SLC35D1: variants seen among roughly 807,000 people sequenced by gnomAD.
The protein encoded by SLC35D1 is nucleotide sugar transporter SLC35D1.
A neutral mutation model predicts 46.7 loss-of-function variants in SLC35D1; 31 were observed. That is an observed-to-expected ratio of 0.66 (90% confidence interval 0.50 to 0.90). The LOEUF (loss-of-function observed/expected upper bound fraction) is 0.90. SLC35D1 is among the 40% of genes least tolerant of loss of function. The pLI, the probability that SLC35D1 is intolerant of heterozygous loss-of-function variation, is 0.00. For synonymous variants in SLC35D1, 195 were observed against 164.6 expected (o/e 1.18, Z -1.41); for missense variants, 397 against 426.2 (o/e 0.93, Z 0.60).
At chr1:66,991,327 G>A in the SLC35D1 span, among the ~76,000 whole-genome samples, 3 of 152,176 alleles carry the variant, frequency 2.0e-5, no homozygotes, top group African/African-American at 4.8e-5. Context: ...GGAGGCTGGG[G>A]AGAAGAGAAG....
intron 4 of SLC35D1, 126 bp downstream of exon 4, chr1:67,051,880 GTAGTAA>G: frequency 3.1e-6 from 2 of 643,282 alleles, no homozygotes; most frequent in Non-Finnish European, 5.5e-6. Context: ...TCATTATTTA[GTAGTAA>G]TAGAAGCTTT....
At chr1:67,022,913 T>C (rs1006881288) in intron 8 of SLC35D1, among the ~76,000 whole-genome samples, 2 of 152,236 alleles carry the variant, frequency 1.3e-5, no homozygotes, top group Non-Finnish European at 2.9e-5. Context: ...AACAATTTCC[T>C]ACAAGTGGAA....
chr1:67,006,295 C>G (rs1667445720), intron 11 of SLC35D1, among the ~76,000 whole-genome samples: 1 of 152,200 alleles, frequency 6.6e-6, no homozygotes, highest in Admixed American at 6.5e-5. Context: ...GACTACTTCC[C>G]TGGTAGCTGG....
At chr1:67,014,670 G>GTTTTTTTTTTTT (rs34459732) in intron 10 of SLC35D1, among the ~76,000 whole-genome samples, 25 of 99,942 alleles carry the variant, frequency 2.5e-4, no homozygotes, top group Middle Eastern at 0.011. Context: ...TCAATTTTTA[G>GTTTTTTTTTTTT]TTTTTTTTTT....
chr1:67,000,082 AAC>A lies in SLC35D1; in HGVS notation c.*4256_*4257del, dbSNP rs1369276791. The A allele has an allele frequency of 6.6e-6, 1 of 151,154 alleles. No individual in the cohort carries two copies. Among genetic ancestry groups the A allele is most frequent in the Admixed American group, 6.6e-5 (1 of 15,194 alleles). The allele number at this position is 151,154 out of a possible 1,614,324, so 9.4% of individuals were successfully genotyped here. Reference sequence around the variant, plus strand: ...GCCAGGAGTTTGAGACCAGTCTGGCAACAGAGTGAGACCCTGTCTTTACCAGA... The same window carrying A: ...GCCAGGAGTTTGAGACCAGTCTGGCAAGAGTGAGACCCTGTCTTTACCAGA... On this transcript the variant is annotated 3_prime_UTR_variant, in exon 12 of 12. Transcript: ENST00000235345.
chr1:66,984,560 C>G, the SLC35D1 span: 1 of 1,538,184 alleles, frequency 6.5e-7, no homozygotes, highest in Non-Finnish European at 8.8e-7. Flanking sequence ...ATTTATATTT[C>G]TTTCAACTTA....
chr1:67,031,234 AAGTC>A, intron 8 of SLC35D1, among the ~76,000 whole-genome samples: 1 of 152,246 alleles, frequency 6.6e-6, no homozygotes, highest in Non-Finnish European at 1.5e-5. Flanking sequence ...TCTCTGGAGA[AAGTC>A]AGTCTATGGC....
intron 8 of SLC35D1, chr1:67,032,077 G>A (rs1031160470): frequency 5.1e-6 from 5 of 985,262 alleles, no homozygotes; most frequent in Non-Finnish European, 1.2e-6. Context: ...CACAAGGCCT[G>A]GAATCTTCGG....
Position 67,047,259 on chromosome 1 carries a change from A to G in SLC35D1, c.636+6T>C, listed in dbSNP as rs983472001. On this transcript the variant is annotated splice_donor_region_variant and intron_variant, in intron 7 of 11. Transcript: ENST00000235345. ...ACAACTGTTAAAGCTTTAGATTGCT[A>G]CTTACTTTTGAATCTAATTTTTGTT... 1 of 1,606,076 alleles carries G rather than the reference A, an allele frequency of 6.2e-7. No individual in the cohort carries two copies. The highest frequency in any genetic ancestry group is 8.5e-7 in the Non-Finnish European group (1 of 1,173,968).
chr1:67,050,039 C>G lies in SLC35D1; in HGVS notation c.465-189G>C, dbSNP rs148483704. ...ATTTATTGTTATATAAGTTATTACA[C>G]CCACTTTTAAAATTTTCACCTATTG... On this transcript the variant is annotated intron_variant, in intron 5 of 11. Transcript: ENST00000235345. Among the ~76,000 whole-genome samples the G allele has an allele frequency of 9.2e-5, 14 of 152,270 alleles. 2 individuals carry two copies. The East Asian group carries it at 2.7e-3, about 29-fold the overall frequency.
intron 10 of SLC35D1, among the ~76,000 whole-genome samples, chr1:67,015,915 C>T (rs992421142): frequency 3.3e-5 from 5 of 151,908 alleles, no homozygotes; most frequent in Non-Finnish European, 4.4e-5. Context: ...CTTTTAGTGG[C>T]CTGCAATCCT....
intron 11 of SLC35D1, chr1:67,008,331 G>T: frequency 2.3e-6 from 2 of 861,402 alleles, no homozygotes; most frequent in South Asian, 2.9e-5. Context: ...TAGAGACGGG[G>T]TATCACCATG....
At chr1:66,983,106 A>C in the SLC35D1 span, among the ~76,000 whole-genome samples, 2 of 152,212 alleles carry the variant, frequency 1.3e-5, no homozygotes, top group African/African-American at 4.8e-5. Context: ...CTTATAAATT[A>C]CTTGTAGCTC....
chr1:67,031,048 T>G lies in SLC35D1; in HGVS notation c.730-9446A>C, dbSNP rs1668008145. 2.0e-5 allele frequency among the ~76,000 whole-genome samples: 3 copies of G among 152,326 alleles called. 1 individual carries two copies. The South Asian group carries it at 6.2e-4, about 32-fold the overall frequency. On this transcript the variant is annotated intron_variant, in intron 8 of 11. Coordinates refer to ENST00000235345, the MANE Select transcript of SLC35D1 (RefSeq NM_015139.3). ...AGGCTGTCTACACTGAATGTTACAT[T>G]TGATTCAGAAAAATGCCCCAAATAT...
In SLC35D1 at chr1:67,042,317, T is replaced by C. The variant is rs572229292; in HGVS notation, c.648A>G (p.Lys216=). The change falls in exon 8 of 12, where the codon AAA becomes AAG. Residue 216 remains lysine, a synonymous_variant. Transcript: ENST00000235345. ...GTGCATTGTAATAGAGCAGTCCATATTTTCCCAGCTCCTAGGACAGTAAAT... is the reference window on the plus strand; with the variant it reads ...GTGCATTGTAATAGAGCAGTCCATACTTTCCCAGCTCCTAGGACAGTAAAT... ...KQKLDSKELG[K]YGLLYYNALF... The C allele has an allele frequency of 2.5e-6, 4 of 1,614,068 alleles. No individual in the cohort carries two copies. The highest frequency in any genetic ancestry group is 2.7e-5 in the African/African-American group (2 of 75,044).
chr1:67,008,482 G>C (rs779998221), intron 11 of SLC35D1: 1 of 1,286,786 alleles, frequency 7.8e-7, no homozygotes, highest in South Asian at 1.2e-5. Flanking sequence ...CAAAGTTACA[G>C]TTCCTGAGAC....
At chr1:67,030,281 C>G (rs1667991679) in intron 8 of SLC35D1, among the ~76,000 whole-genome samples, 1 of 152,110 alleles carries the variant, frequency 6.6e-6, no homozygotes, top group Non-Finnish European at 1.5e-5. Context: ...TTATTTTACC[C>G]AAGCTAAAAC....
the SLC35D1 span, among the ~76,000 whole-genome samples, chr1:66,992,009 A>G: frequency 1.3e-5 from 2 of 152,196 alleles, no homozygotes; most frequent in African/African-American, 4.8e-5. Flanking sequence ...TTTTGTCCCT[A>G]GAGAGTGCTG....
chr1:66,981,759 A>T, the SLC35D1 span: 21 of 1,560,548 alleles, frequency 1.3e-5, no homozygotes, highest in Non-Finnish European at 1.8e-5. Flanking sequence ...TAATATAAAA[A>T]TTGTTTTATT....
Sources: allele counts gnomAD v4.1 joint callset (sites outside exome capture counted in the v4.1 genomes callset), GRCh38; gene constraint gnomAD v4.1.1; transcripts MANE v1.5; gene names NCBI Gene and HGNC (gene_info 2026-07-23, HGNC 2026-07-21).